DNAAF9: variants seen among roughly 807,000 people sequenced by gnomAD.
DNAAF9 encodes the protein shulin.
In DNAAF9, 90 loss-of-function variants were observed where a neutral mutation model predicts 167.0. The ratio of observed to expected loss-of-function variants is 0.54; its 90% CI spans 0.45 to 0.64. The LOEUF (loss-of-function observed/expected upper bound fraction) is 0.64, where lower values mean the gene tolerates loss of function less well. Among genes scored for constraint, DNAAF9 ranks in the 30% least tolerant of loss-of-function variants. DNAAF9 has a pLI of 0.00. For missense variants in DNAAF9, 1,315 were observed against 1,442.2 expected, an observed-to-expected ratio of 0.91 and a Z score of 1.43; for synonymous variants, 491 against 508.8, an observed-to-expected ratio of 0.96 and a Z score of 0.47.
At chr20:3,307,048 C>G in intron 20 of DNAAF9, 1 of 985,406 alleles carries the variant, frequency 1.0e-6, no homozygotes, top group Non-Finnish European at 1.2e-6. Context: ...GAAAGGCCTC[C>G]TGGACAAAGC....
At chr20:3,371,185 C>T (rs1040354600) in intron 6 of DNAAF9, among the ~76,000 whole-genome samples, 1 of 150,838 alleles carries the variant, frequency 6.6e-6, no homozygotes, top group Admixed American at 6.6e-5. Context: ...AGACTTCCTA[C>T]AATCTTTTCT....
intron 6 of DNAAF9, among the ~76,000 whole-genome samples, chr20:3,364,940 CTTTTTTCT>C (rs1330957933): frequency 1.4e-5 from 2 of 143,034 alleles, no homozygotes; most frequent in Non-Finnish European, 1.5e-5. Context: ...CCTTCTTTTC[CTTTTTTCT>C]TTTTTTTTTT....
intron 7 of DNAAF9, among the ~76,000 whole-genome samples, chr20:3,358,189 T>TG (rs1240142445): frequency 5.3e-5 from 8 of 152,198 alleles, no homozygotes; most frequent in Non-Finnish European, 1.5e-5. Flanking sequence ...TATTGTTTTC[T>TG]GGGGGGATTT....
intron 7 of DNAAF9, among the ~76,000 whole-genome samples, chr20:3,350,296 T>C (rs943982364): frequency 2.0e-5 from 3 of 151,858 alleles, no homozygotes; most frequent in Non-Finnish European, 2.9e-5. Context: ...CTGGGCAACA[T>C]AGTGACACCC....
intron 20 of DNAAF9, among the ~76,000 whole-genome samples, chr20:3,304,874 T>C (rs2069261865): frequency 6.6e-6 from 1 of 152,230 alleles, no homozygotes; most frequent in Non-Finnish European, 1.5e-5. Context: ...ATCTGCTCCA[T>C]TACTGAGTTT....
chr20:3,252,799 C>T (rs2068216298), intron 36 of DNAAF9, 115 bp from the exon 37 acceptor site: 1 of 705,236 alleles, frequency 1.4e-6, no homozygotes, highest in African/African-American at 1.8e-5. Context: ...AGTGTCTGGC[C>T]CATAGAGAGG....
intron 25 of DNAAF9, among the ~76,000 whole-genome samples, chr20:3,291,331 C>G (rs1402081280): frequency 6.6e-6 from 1 of 151,076 alleles, no homozygotes; most frequent in African/African-American, 2.4e-5. Flanking sequence ...GCAAGTGCCT[C>G]TGTAAGTTTT....
Position 3,290,165 on chromosome 20 carries a change from C to T in DNAAF9, c.2291G>A (p.Cys764Tyr). ...GLPGCHASEL[C>Y]AFLVTLHKEC... Reference sequence around the variant, plus strand: ...CTTATGCAGAGTGACCAGAAAAGCACAGAGCTCGCTAGCGTGACAGCCTGG... The same window carrying T: ...CTTATGCAGAGTGACCAGAAAAGCATAGAGCTCGCTAGCGTGACAGCCTGG... Residue 764 changes from cysteine (C) to tyrosine (Y), a missense_variant, in exon 26 of 37, where the codon TGT (cysteine) becomes TAT (tyrosine). Physicochemically the swap from Cys to Tyr is radical, Grantham distance 194. Around this residue, in one of 2 missense-constraint regions of DNAAF9, gnomAD observed 981 missense variants for 1,012.5 expected, o/e 0.97. Transcript: ENST00000252032. 1 of 1,613,266 alleles carries T rather than the reference C, an allele frequency of 6.2e-7. No homozygotes were observed. Among genetic ancestry groups the T allele is most frequent in the Non-Finnish European group, 8.5e-7 (1 of 1,179,198 alleles).
At position 3,287,773 on chromosome 20, in the gene DNAAF9, T is replaced by C; in HGVS notation, c.2345A>G (p.Gln782Arg). Reference sequence around the variant, plus strand: ...AAAACATTCAGAGCTGTCCATGATTTGGCGATACACCATCCATCTGGAAAG... The same window carrying C: ...AAAACATTCAGAGCTGTCCATGATTCGGCGATACACCATCCATCTGGAAAG... ...KECGRWMVYR[Q>R]IMDSSECFHA... The change falls in exon 27 of 37, where the codon CAA (glutamine) becomes CGA (arginine). Residue 782 changes from glutamine to arginine, a missense_variant. By Grantham distance (43) the Gln-to-Arg change is conservative. This residue lies in a region of DNAAF9 where 981 missense variants were observed against 1,012.5 expected (regional missense o/e 0.97). Transcript: ENST00000252032. 6.2e-7 allele frequency: 1 copy of C among 1,614,238 alleles called. No individual in the cohort carries two copies. Among genetic ancestry groups the C allele is most frequent in the South Asian group, 1.1e-5 (1 of 91,090 alleles).
At chr20:3,255,961 G>A in intron 34 of DNAAF9, 45 bp downstream of exon 34, 1 of 1,468,214 alleles carries the variant, frequency 6.8e-7, no homozygotes, top group Non-Finnish European at 9.5e-7. Flanking sequence ...GCTCTGAGGT[G>A]TCTGGTCACA....
At chr20:3,402,034 T>C (rs1460814203) in intron 1 of DNAAF9, among the ~76,000 whole-genome samples, 1 of 152,246 alleles carries the variant, frequency 6.6e-6, no homozygotes, top group Non-Finnish European at 1.5e-5. Flanking sequence ...AGAACTTACA[T>C]GTGTGAAATA....
chr20:3,404,359 G>A (rs6133039), intron 1 of DNAAF9, among the ~76,000 whole-genome samples: 37,350 of 152,042 alleles, frequency 0.25, 5,137 homozygotes, highest in African/African-American at 0.36. Flanking sequence ...TCATCACACT[G>A]TCAACAATCT....
At chr20:3,340,431 G>GCTC in intron 10 of DNAAF9, 73 bp downstream of exon 10, 1 of 280,492 alleles carries the variant, frequency 3.6e-6, no homozygotes, top group Non-Finnish European at 7.6e-6. Flanking sequence ...TTTTTGTCTA[G>GCTC]CTCCCCCCAC....
At chr20:3,273,984 A>C (rs2068636280) in intron 29 of DNAAF9, among the ~76,000 whole-genome samples, 1 of 151,984 alleles carries the variant, frequency 6.6e-6, no homozygotes, top group South Asian at 2.1e-4. Context: ...ATTTTGGTAA[A>C]GCTTACATCT....
rs2069115695 is a variant in DNAAF9 at position 3,298,126 on chromosome 20, A to ACCTCCC, written c.1831_1832insGGGAGG (p.Leu611delinsTrpGluVal). ...GAAATGAACTGGGAGGTGAGGAAGC[A>ACCTCCC]ATGAGCTTTTGAAGTCTATGAGAAG... On this transcript the variant is annotated protein_altering_variant, in exon 22 of 37. Transcript: ENST00000252032. The ACCTCCC allele has an allele frequency of 6.2e-7, 1 of 1,613,452 alleles. No individual in the cohort carries two copies. The highest frequency in any genetic ancestry group is 8.5e-7 in the Non-Finnish European group (1 of 1,179,474).
At chr20:3,350,496 G>A (rs921290064) in intron 7 of DNAAF9, among the ~76,000 whole-genome samples, 1 of 152,138 alleles carries the variant, frequency 6.6e-6, no homozygotes, top group African/African-American at 2.4e-5. Context: ...GAGAGAGAAA[G>A]AGACAGAAAA....
At chr20:3,393,547 T>C (rs950813625) in intron 1 of DNAAF9, among the ~76,000 whole-genome samples, 21 of 152,148 alleles carry the variant, frequency 1.4e-4, no homozygotes, top group African/African-American at 5.1e-4. Context: ...ATAAATCAAA[T>C]AAAACTGTTG....
chr20:3,272,821 T>G (rs945534015), intron 29 of DNAAF9, among the ~76,000 whole-genome samples: 2 of 152,234 alleles, frequency 1.3e-5, no homozygotes, highest in South Asian at 4.1e-4. Context: ...TAATTATTTT[T>G]TTATTATTAT....
At chr20:3,311,699 A>C (rs2069416059) in intron 20 of DNAAF9, among the ~76,000 whole-genome samples, 1 of 152,262 alleles carries the variant, frequency 6.6e-6, no homozygotes, top group African/African-American at 2.4e-5. Context: ...CAAAAAAAGC[A>C]GGTCTACATT....
Sources: gnomAD v4.1 joint callset for allele counts (sites outside exome capture counted in the v4.1 genomes callset) on GRCh38, gnomAD v4.1.1 for gene constraint, gnomAD v4.1.1 regional missense constraint, MANE v1.5 for transcripts, NCBI Gene and HGNC (gene_info 2026-07-23, HGNC 2026-07-21) for gene names.